Variants in TRMT11 observed in about 807,000 individuals in gnomAD.
TRMT11 encodes the protein tRNA methyltransferase 11, also known as tRNA (guanine(10)-N(2))-methyltransferase TRMT11.
In TRMT11, 53 loss-of-function variants were observed where a neutral mutation model predicts 62.8. The ratio of observed to expected loss-of-function variants is 0.84; its 90% CI spans 0.68 to 1.06. The LOEUF (loss-of-function observed/expected upper bound fraction) is 1.06, where lower values mean the gene tolerates loss of function less well. Ranked by LOEUF, TRMT11 falls within the 50% of genes least tolerant of loss-of-function variation. The pLI, the probability that TRMT11 is intolerant of heterozygous loss-of-function variation, is 0.00. For missense variants in TRMT11, 556 were observed against 553.4 expected, an observed-to-expected ratio of 1.00 and a Z score of -0.05; for synonymous variants, 188 against 190.3, an observed-to-expected ratio of 0.99 and a Z score of 0.10.
At chr6:126,039,744 C>A (rs1407303946), downstream of TRMT11, among the ~76,000 whole-genome samples, 1 of 151,984 alleles carries the variant, frequency 6.6e-6, no homozygotes, top group Non-Finnish European at 1.5e-5. Flanking sequence ...CTTTGGTGGT[C>A]AAATGTACCT....
the TRMT11 span, among the ~76,000 whole-genome samples, chr6:126,252,821 G>C: frequency 4.6e-5 from 7 of 152,136 alleles, no homozygotes; most frequent in Non-Finnish European, 1.0e-4. Flanking sequence ...AACTTTTCCG[G>C]AATAACGAAA....
At chr6:126,192,134 A>G (rs1186416075) in intron 1 of TRMT11, among the ~76,000 whole-genome samples, 1 of 152,092 alleles carries the variant, frequency 6.6e-6, no homozygotes, top group East Asian at 1.9e-4. Context: ...TCAGTGTTTT[A>G]TAGCTTTTCT....
chr6:126,196,647 G>T (rs1457356980), intron 1 of TRMT11, among the ~76,000 whole-genome samples: 1 of 151,936 alleles, frequency 6.6e-6, no homozygotes, highest in Admixed American at 6.6e-5. Flanking sequence ...ACAGAAGTGT[G>T]ACAGAATATC....
At chr6:125,988,167 C>CT (rs1789986086) in intron 1 of TRMT11, among the ~76,000 whole-genome samples, 1 of 152,142 alleles carries the variant, frequency 6.6e-6, no homozygotes, top group South Asian at 2.1e-4. Flanking sequence ...AATGCAGTTG[C>CT]TTTTTAGTGA....
At chr6:126,067,168 C>G (rs1415651927) in intron 17 of TRMT11, among the ~76,000 whole-genome samples, 1 of 150,988 alleles carries the variant, frequency 6.6e-6, no homozygotes, top group Non-Finnish European at 1.5e-5. Context: ...CCATTGCACT[C>G]CAGCCTGGGC....
downstream of TRMT11, among the ~76,000 whole-genome samples, chr6:126,207,107 A>G (rs1237052397): frequency 6.6e-6 from 1 of 152,188 alleles, no homozygotes; most frequent in Non-Finnish European, 1.5e-5. Flanking sequence ...TTCGAATTGA[A>G]TGATTCTGGT....
chr6:126,270,388 A>G, the TRMT11 span, among the ~76,000 whole-genome samples: 1 of 152,226 alleles, frequency 6.6e-6, no homozygotes, highest in African/African-American at 2.4e-5. Flanking sequence ...ATTGGTTGTA[A>G]CAAAATGACT....
At chr6:126,020,083 G>C (rs1271865743) in intron 11 of TRMT11, among the ~76,000 whole-genome samples, 1 of 152,230 alleles carries the variant, frequency 6.6e-6, no homozygotes, top group African/African-American at 2.4e-5. Context: ...TTGAAGGTCA[G>C]TGGGACCTAG....
chr6:126,218,584 C>G, the TRMT11 span, among the ~76,000 whole-genome samples: 2 of 152,204 alleles, frequency 1.3e-5, no homozygotes, highest in African/African-American at 4.8e-5. Context: ...TGTGACTGAG[C>G]TCATATCCAA....
At chr6:126,088,124 T>C (rs1024767273) in intron 17 of TRMT11, among the ~76,000 whole-genome samples, 1 of 151,856 alleles carries the variant, frequency 6.6e-6, no homozygotes, top group Non-Finnish European at 1.5e-5. Flanking sequence ...GTCTATATAG[T>C]ATATATACTC....
At chr6:126,167,170 A>T (rs977519506) in intron 21 of TRMT11, among the ~76,000 whole-genome samples, 1 of 151,258 alleles carries the variant, frequency 6.6e-6, no homozygotes, top group African/African-American at 2.4e-5. Context: ...TATGAAAAAA[A>T]CTCCTGCAGC....
chr6:126,258,375 C>T, the TRMT11 span: 1 of 356,032 alleles, frequency 2.8e-6, no homozygotes, highest in South Asian at 2.3e-5. Context: ...GCATCAGTCC[C>T]CTCACTGTGT....
At chr6:126,043,769 C>T (rs1269616270), downstream of TRMT11, among the ~76,000 whole-genome samples, 406 of 150,292 alleles carry the variant, frequency 2.7e-3, 3 homozygotes, top group African/African-American at 9.5e-3. Flanking sequence ...GATGGTATCT[C>T]ATTGTGGTTT....
chr6:126,040,440 A>C (rs1356297882), downstream of TRMT11, among the ~76,000 whole-genome samples: 1 of 152,120 alleles, frequency 6.6e-6, no homozygotes, highest in Non-Finnish European at 1.5e-5. Flanking sequence ...ATAAAAAAGA[A>C]ACCTGATTAC....
chr6:126,200,943 AT>A (rs1778728596), intron 3 of TRMT11, among the ~76,000 whole-genome samples: 1 of 152,152 alleles, frequency 6.6e-6, no homozygotes, highest in Non-Finnish European at 1.5e-5. Flanking sequence ...GGAGGCAATG[AT>A]TTTTAGATAA....
At chr6:126,156,998 C>G (rs143559614) in intron 21 of TRMT11, among the ~76,000 whole-genome samples, 12 of 152,320 alleles carry the variant, frequency 7.9e-5, no homozygotes, top group African/African-American at 2.6e-4. Context: ...TGAGGTTGTA[C>G]CATTCCAAAT....
chr6:126,070,962 A>G (rs958368455), intron 17 of TRMT11, among the ~76,000 whole-genome samples: 1 of 152,108 alleles, frequency 6.6e-6, no homozygotes, highest in Admixed American at 6.6e-5. Context: ...AGTGATTTTG[A>G]TTGTAGGAGA....
intron 12 of TRMT11, among the ~76,000 whole-genome samples, chr6:126,021,639 T>C (rs771183918): frequency 1.3e-5 from 2 of 152,212 alleles, no homozygotes; most frequent in African/African-American, 2.4e-5. Flanking sequence ...ACCTACTTGA[T>C]TGCAGACTGT....
At chr6:126,247,195 G>A in the TRMT11 span, among the ~76,000 whole-genome samples, 3 of 152,188 alleles carry the variant, frequency 2.0e-5, no homozygotes, top group Non-Finnish European at 4.4e-5. Context: ...CTCTCCTATT[G>A]AAGAGCCTTG....
Sources: gnomAD v4.1 joint callset for allele counts (sites outside exome capture counted in the v4.1 genomes callset) on GRCh38, gnomAD v4.1.1 for gene constraint, MANE v1.5 for transcripts, NCBI Gene and HGNC (gene_info 2026-07-23, HGNC 2026-07-21) for gene names.